FAT3: variants seen among roughly 807,000 people sequenced by gnomAD.
FAT3 encodes protocadherin Fat 3.
In FAT3, 95 loss-of-function variants were observed where a neutral mutation model predicts 310.2. The ratio of observed to expected loss-of-function variants is 0.31; its 90% confidence interval spans 0.26 to 0.36. The LOEUF (loss-of-function observed/expected upper bound fraction) is 0.36. Ranked by LOEUF, FAT3 falls within the 10% of genes least tolerant of loss-of-function variation. FAT3 has a pLI of 1.00. For synonymous variants in FAT3, 2,314 were observed against 2,192.9 expected (o/e 1.06, Z -1.54); for missense variants, 5,408 against 5,715.6 (o/e 0.95, Z 1.74).
chr11:92,480,744 AG>A (rs1480213326), intron 2 of FAT3, among the ~76,000 whole-genome samples: 2 of 152,152 alleles, frequency 1.3e-5, no homozygotes, highest in African/African-American at 4.8e-5. Flanking sequence ...CTTAGTTATA[AG>A]CATTGGGGAG....
intron 13 of FAT3, among the ~76,000 whole-genome samples, chr11:92,812,974 CA>C (rs1413494581): frequency 6.6e-6 from 1 of 152,190 alleles, no homozygotes; most frequent in Non-Finnish European, 1.5e-5. Flanking sequence ...AGTGAGTTCT[CA>C]TGAGACCTGA....
At chr11:92,721,068 ATTC>A (rs1340834718) in intron 4 of FAT3, among the ~76,000 whole-genome samples, 1 of 152,192 alleles carries the variant, frequency 6.6e-6, no homozygotes, top group African/African-American at 2.4e-5. Context: ...GCCATCAGAT[ATTC>A]TTCTTGATGT....
intron 1 of FAT3, among the ~76,000 whole-genome samples, chr11:92,247,467 A>G (rs911764185): frequency 1.3e-5 from 2 of 151,416 alleles, no homozygotes; most frequent in South Asian, 2.1e-4. Flanking sequence ...CATTTTTTCC[A>G]CCTGGCAGAA....
Position 92,621,290 on chromosome 11 carries a change from G to A in FAT3, c.3608-76094G>A, listed in dbSNP as rs1941072448. Among the ~76,000 whole-genome samples, 3 of 152,172 alleles carry A rather than the reference G, an allele frequency of 2.0e-5. No individual in the cohort carries two copies. In the South Asian group the frequency reaches 6.2e-4, roughly 32 times the overall value. On this transcript the variant is annotated intron_variant, in intron 3 of 27. Transcript: ENST00000525166. ...TCAAGAGTATCCAAACAGATAAATT[G>A]AAGGAGTAGGAGAATTATTTATATT...
chr11:92,727,740 G>A (rs925484732), intron 4 of FAT3, among the ~76,000 whole-genome samples: 8 of 152,096 alleles, frequency 5.3e-5, no homozygotes, highest in African/African-American at 1.7e-4. Context: ...TTCCTCACAT[G>A]CCTTAGAGTG....
intron 2 of FAT3, among the ~76,000 whole-genome samples, chr11:92,421,263 A>G (rs538533340): frequency 2.0e-5 from 3 of 152,330 alleles, no homozygotes; most frequent in African/African-American, 4.8e-5. Flanking sequence ...TAGTAGTTTC[A>G]TATTGCTGAG....
intron 3 of FAT3, among the ~76,000 whole-genome samples, chr11:92,626,747 A>G (rs1941354786): frequency 6.6e-6 from 1 of 152,186 alleles, no homozygotes; most frequent in African/African-American, 2.4e-5. Flanking sequence ...AGTTAAGGAA[A>G]GCCTAGAGTA....
chr11:92,778,125 A>G (rs545577396), intron 7 of FAT3, among the ~76,000 whole-genome samples: 4 of 152,250 alleles, frequency 2.6e-5, no homozygotes, highest in African/African-American at 9.6e-5. Context: ...CACATGAGGT[A>G]GAATTTGTCA....
chr11:92,370,080 C>G (rs967828651), intron 2 of FAT3, among the ~76,000 whole-genome samples: 1 of 152,172 alleles, frequency 6.6e-6, no homozygotes, highest in Non-Finnish European at 1.5e-5. Flanking sequence ...CACTCAGACT[C>G]ATTCTCCATA....
At chr11:92,332,545 T>C (rs1022281436) in intron 1 of FAT3, among the ~76,000 whole-genome samples, 2 of 152,086 alleles carry the variant, frequency 1.3e-5, no homozygotes, top group Admixed American at 6.6e-5. Context: ...TTGGGTTCTG[T>C]CTCTAGTGAT....
chr11:92,682,594 G>C (rs886961905), intron 3 of FAT3, among the ~76,000 whole-genome samples: 4 of 152,178 alleles, frequency 2.6e-5, no homozygotes, highest in African/African-American at 9.7e-5. Flanking sequence ...CAAATACTTG[G>C]CATTCAGTTG....
intron 2 of FAT3, among the ~76,000 whole-genome samples, chr11:92,494,219 C>A (rs991456320): frequency 2.6e-5 from 4 of 151,896 alleles, no homozygotes; most frequent in Non-Finnish European, 4.4e-5. Context: ...CCCCATGATC[C>A]AACCACCTCA....
intron 2 of FAT3, among the ~76,000 whole-genome samples, chr11:92,446,283 G>T (rs1951206192): frequency 6.6e-6 from 1 of 152,194 alleles, no homozygotes; most frequent in African/African-American, 2.4e-5. Context: ...ATGGGAATGT[G>T]TTACTATTCC....
intron 3 of FAT3, among the ~76,000 whole-genome samples, chr11:92,543,958 G>T (rs1381266932): frequency 6.6e-6 from 1 of 151,996 alleles, no homozygotes; most frequent in Non-Finnish European, 1.5e-5. Context: ...CACTTTTATT[G>T]ATCACTACTG....
chr11:92,618,204 T>C (rs1223101720), intron 3 of FAT3, among the ~76,000 whole-genome samples: 3 of 152,202 alleles, frequency 2.0e-5, no homozygotes, highest in Non-Finnish European at 4.4e-5. Flanking sequence ...CCCCCAGCCT[T>C]GCTGCCTTGC....
intron 13 of FAT3, among the ~76,000 whole-genome samples, chr11:92,811,477 G>C (rs574077539): frequency 6.6e-6 from 1 of 152,288 alleles, no homozygotes; most frequent in South Asian, 2.1e-4. Context: ...TGAAACATGA[G>C]GGGGTGGAGT....
chr11:92,253,832 G>A (rs914334910), intron 1 of FAT3, among the ~76,000 whole-genome samples: 1 of 152,114 alleles, frequency 6.6e-6, no homozygotes, highest in Non-Finnish European at 1.5e-5. Flanking sequence ...AACATCCAAG[G>A]TAAATGGTCC....
chr11:92,573,898 C>T (rs535158231), intron 3 of FAT3, among the ~76,000 whole-genome samples: 34 of 152,080 alleles, frequency 2.2e-4, no homozygotes, highest in Non-Finnish European at 4.7e-4. Context: ...AATGGCAGCC[C>T]CAGGAAACTA....
chr11:92,351,188 C>T (rs1426504648), intron 1 of FAT3, among the ~76,000 whole-genome samples: 1 of 152,094 alleles, frequency 6.6e-6, no homozygotes, highest in Non-Finnish European at 1.5e-5. Flanking sequence ...TTCTGGATAT[C>T]ACTCCAGTCA....
Sources: allele counts gnomAD v4.1 joint callset (sites outside exome capture counted in the v4.1 genomes callset), GRCh38; gene constraint gnomAD v4.1.1; transcripts MANE v1.5; gene names NCBI Gene and HGNC (gene_info 2026-07-23, HGNC 2026-07-21).